Variants in EGFLAM observed in about 807,000 individuals in gnomAD.
EGFLAM encodes the protein EGF like, fibronectin type III and laminin G domains, also known as pikachurin.
Under a neutral mutation model 113.1 loss-of-function variants are expected in EGFLAM, and 79 were observed. That is an observed-to-expected ratio of 0.70 (90% CI 0.58 to 0.84). The LOEUF is 0.84. Ranked by LOEUF, EGFLAM falls within the 40% of genes least tolerant of loss-of-function variation. The pLI is 0.00. For synonymous variants in EGFLAM, 504 were observed against 487.6 expected, an observed-to-expected ratio of 1.03 and a Z score of -0.44; for missense variants, 1,265 against 1,291.6, an observed-to-expected ratio of 0.98 and a Z score of 0.32.
chr5:38,318,397 A>G (rs188987391), intron 1 of EGFLAM, among the ~76,000 whole-genome samples: 228 of 151,390 alleles, frequency 1.5e-3, no homozygotes, highest in African/African-American at 5.4e-3. Context: ...TACTATATAT[A>G]TAACTAGATA....
intron 5 of EGFLAM, among the ~76,000 whole-genome samples, chr5:38,357,474 G>A (rs1238214753): frequency 6.6e-6 from 1 of 152,168 alleles, no homozygotes; most frequent in Admixed American, 6.5e-5. Context: ...GGCTTTGGGT[G>A]GGGGAGGGGG....
intron 1 of EGFLAM, among the ~76,000 whole-genome samples, chr5:38,323,505 T>C (rs538242248): frequency 6.6e-6 from 1 of 152,346 alleles, no homozygotes; most frequent in Non-Finnish European, 1.5e-5. Flanking sequence ...TATTTTAGTT[T>C]CAAATGCTAT....
intron 6 of EGFLAM, among the ~76,000 whole-genome samples, chr5:38,400,402 C>A (rs983533950): frequency 7.2e-5 from 11 of 152,036 alleles, no homozygotes; most frequent in African/African-American, 2.7e-4. Flanking sequence ...TAAATGTCTC[C>A]TTTTTAATGT....
At chr5:38,312,489 C>T (rs924800161) in intron 1 of EGFLAM, among the ~76,000 whole-genome samples, 1 of 152,138 alleles carries the variant, frequency 6.6e-6, no homozygotes, top group Non-Finnish European at 1.5e-5. Context: ...ATCCGCCCGC[C>T]TCGGCCTCCC....
At chr5:38,310,782 C>T (rs552903764) in intron 1 of EGFLAM, among the ~76,000 whole-genome samples, 50 of 152,256 alleles carry the variant, frequency 3.3e-4, no homozygotes, top group Middle Eastern at 3.4e-3. Flanking sequence ...GTTTCGCAGG[C>T]ACTTGACCTG....
intron 3 of EGFLAM, among the ~76,000 whole-genome samples, chr5:38,344,483 CAA>C (rs10577346): frequency 0.69 from 96,316 of 139,198 alleles, 32,590 homozygotes; most frequent in African/African-American, 0.72. Context: ...AACTCTGTTT[CAA>C]AAAAAAAAAA....
intron 6 of EGFLAM, among the ~76,000 whole-genome samples, chr5:38,372,576 T>G (rs1359082807): frequency 6.6e-6 from 1 of 152,226 alleles, no homozygotes; most frequent in Non-Finnish European, 1.5e-5. Context: ...TGAAAGTGTT[T>G]TACAGATCTG....
intron 18 of EGFLAM, among the ~76,000 whole-genome samples, chr5:38,450,044 A>T (rs1742861293): frequency 6.6e-6 from 1 of 152,168 alleles, no homozygotes; most frequent in Non-Finnish European, 1.5e-5. Flanking sequence ...TTTTTCTCAT[A>T]TGACTCTTTT....
intron 11 of EGFLAM, 81 bp from the exon 12 acceptor site, chr5:38,417,985 T>C: frequency 7.2e-7 from 1 of 1,384,050 alleles, no homozygotes; most frequent in Non-Finnish European, 9.9e-7. Context: ...GTCTTAACCA[T>C]GTCCCTCATA....
intron 19 of EGFLAM, among the ~76,000 whole-genome samples, chr5:38,455,979 A>G (rs1743073083): frequency 2.0e-5 from 3 of 152,248 alleles, no homozygotes; most frequent in Admixed American, 2.0e-4. Flanking sequence ...CTTTGGTTAT[A>G]TATTGACAGC....
chr5:38,416,809 T>C (rs1741655726), intron 11 of EGFLAM, among the ~76,000 whole-genome samples: 1 of 152,208 alleles, frequency 6.6e-6, no homozygotes, highest in Non-Finnish European at 1.5e-5. Context: ...GCAAACAGCG[T>C]AACCTGACCC....
chr5:38,345,794 T>C (rs573105394), intron 3 of EGFLAM: 3 of 152,248 alleles, frequency 2.0e-5, no homozygotes, highest in Non-Finnish European at 4.4e-5. Flanking sequence ...ATGTTCAGCA[T>C]CTGCCCTAGT....
intron 16 of EGFLAM, among the ~76,000 whole-genome samples, chr5:38,435,588 AC>A (rs1222917417): frequency 1.3e-5 from 2 of 152,132 alleles, no homozygotes; most frequent in South Asian, 2.1e-4. Context: ...AAGGAGGTGG[AC>A]GGAGGTGAAT....
chr5:38,389,554 TA>T (rs1378208939), intron 6 of EGFLAM, among the ~76,000 whole-genome samples: 1 of 152,308 alleles, frequency 6.6e-6, no homozygotes, highest in East Asian at 1.9e-4. Context: ...TTTTTCTTTA[TA>T]CTATAAAAAT....
intron 5 of EGFLAM, among the ~76,000 whole-genome samples, chr5:38,366,352 G>A (rs573554676): frequency 6.6e-6 from 1 of 152,310 alleles, no homozygotes; most frequent in South Asian, 2.1e-4. Flanking sequence ...TAGAGGTGCT[G>A]TTTCTGCACT....
intron 1 of EGFLAM, among the ~76,000 whole-genome samples, chr5:38,266,088 G>A (rs1328611480): frequency 3.9e-5 from 6 of 152,156 alleles, no homozygotes; most frequent in Admixed American, 3.3e-4. Context: ...GTGAAAGAGG[G>A]AAACCTTGCA....
At chr5:38,361,112 C>T (rs2112012343) in intron 5 of EGFLAM, among the ~76,000 whole-genome samples, 1 of 151,710 alleles carries the variant, frequency 6.6e-6, no homozygotes, top group East Asian at 1.9e-4. Context: ...GTGATCCACC[C>T]ACCTCAGCCT....
chr5:38,311,625 T>G (rs891287344), intron 1 of EGFLAM, among the ~76,000 whole-genome samples: 3 of 152,222 alleles, frequency 2.0e-5, no homozygotes, highest in Admixed American at 2.0e-4. Context: ...TTTTTTTCGT[T>G]TCTTCTGTTT....
chr5:38,412,737 G>C, intron 11 of EGFLAM, 89 bp downstream of exon 11: 1 of 1,504,946 alleles, frequency 6.6e-7, no homozygotes, highest in South Asian at 1.3e-5. Context: ...CCGTGGCAGA[G>C]TCTGCAGGAT....
Sources: gnomAD v4.1 joint callset for allele counts (sites outside exome capture counted in the v4.1 genomes callset) on GRCh38, gnomAD v4.1.1 for gene constraint, MANE v1.5 for transcripts, NCBI Gene and HGNC (gene_info 2026-07-23, HGNC 2026-07-21) for gene names.